Variants in NHSL3 observed in about 807,000 individuals in gnomAD.
NHSL3 encodes the protein NHS like 3, also known as NHS-like protein 3.
the NHSL3 span, chr1:32,742,334 C>G: frequency 6.4e-6 from 5 of 778,608 alleles, no homozygotes; most frequent in East Asian, 3.4e-5. Context: ...AGGGCTGAGT[C>G]CGAACACTTC....
the NHSL3 span, among the ~76,000 whole-genome samples, chr1:32,753,408 C>T: frequency 6.6e-6 from 1 of 151,626 alleles, no homozygotes; most frequent in Non-Finnish European, 1.5e-5. Flanking sequence ...TCGTTTGAAC[C>T]GGGCAGGTGG....
the NHSL3 span, among the ~76,000 whole-genome samples, chr1:32,752,227 ACT>A: frequency 6.6e-6 from 1 of 151,468 alleles, no homozygotes; most frequent in Non-Finnish European, 1.5e-5. Flanking sequence ...TCAACCTGAG[ACT>A]CTAGCAAGAG....
At chr1:32,773,721 TGGGCCC>T in the NHSL3 span, 1 of 152,630 alleles carries the variant, frequency 6.6e-6, no homozygotes, top group Non-Finnish European at 1.5e-5. Flanking sequence ...CTGGGGTGGG[TGGGCCC>T]CCAGCACTTC....
At chr1:32,758,617 T>C in the NHSL3 span, among the ~76,000 whole-genome samples, 1 of 151,922 alleles carries the variant, frequency 6.6e-6, no homozygotes, top group Non-Finnish European at 1.5e-5. Flanking sequence ...CCCAGGGATC[T>C]GAGATAAGCG....
chr1:32,770,226 C>A, the NHSL3 span: 115 of 1,604,548 alleles, frequency 7.2e-5, no homozygotes, highest in Non-Finnish European at 9.3e-5. This position sits in a 1 kb window ranked among gnomAD's most constrained non-coding sequence, Gnocchi z 8.3. Context: ...CCCAGGCCAC[C>A]TACCTGTCGA....
chr1:32,767,388 G>A, the NHSL3 span, among the ~76,000 whole-genome samples: 1 of 152,052 alleles, frequency 6.6e-6, no homozygotes, highest in Admixed American at 6.6e-5. Context: ...GTGTGTTTAC[G>A]TGCGGGCTGG....
At chr1:32,753,266 C>A in the NHSL3 span, among the ~76,000 whole-genome samples, 1 of 151,874 alleles carries the variant, frequency 6.6e-6, no homozygotes, top group Non-Finnish European at 1.5e-5. Flanking sequence ...AGGCATATCA[C>A]CTGAGGTCAG....
chr1:32,764,886 T>G, the NHSL3 span, among the ~76,000 whole-genome samples: 12 of 152,248 alleles, frequency 7.9e-5, no homozygotes, highest in Admixed American at 6.5e-4. Flanking sequence ...CCTCCTTTTT[T>G]ACTGCCTTCA....
chr1:32,763,328 G>C, the NHSL3 span, among the ~76,000 whole-genome samples: 1 of 151,976 alleles, frequency 6.6e-6, no homozygotes, highest in Non-Finnish European at 1.5e-5. Context: ...AACCCTCAAG[G>C]CTTATGGGGC....
chr1:32,743,384 C>T, the NHSL3 span, among the ~76,000 whole-genome samples: 1 of 152,022 alleles, frequency 6.6e-6, no homozygotes, highest in Non-Finnish European at 1.5e-5. Flanking sequence ...GGATAAGGGC[C>T]CTGCTTCCCT....
chr1:32,771,522 C>T, the NHSL3 span: 9 of 1,595,978 alleles, frequency 5.6e-6, no homozygotes, highest in African/African-American at 6.7e-5. Context: ...AGGAGCAGGA[C>T]CTGTCCATGG....
chr1:32,763,274 G>A, the NHSL3 span, among the ~76,000 whole-genome samples: 5 of 151,888 alleles, frequency 3.3e-5, no homozygotes, highest in African/African-American at 4.8e-5. Flanking sequence ...GTGAGCCACC[G>A]TGCACGGCCA....
chr1:32,748,197 T>G, the NHSL3 span, among the ~76,000 whole-genome samples: 1 of 152,152 alleles, frequency 6.6e-6, no homozygotes, highest in Non-Finnish European at 1.5e-5. Context: ...GAGAATCACT[T>G]GAACCCAGGA....
the NHSL3 span, among the ~76,000 whole-genome samples, chr1:32,760,763 G>T: frequency 6.6e-6 from 1 of 152,052 alleles, no homozygotes; most frequent in Non-Finnish European, 1.5e-5. Flanking sequence ...GCTAATTTTT[G>T]TATTTTTAGT....
the NHSL3 span, among the ~76,000 whole-genome samples, chr1:32,757,490 C>T: frequency 2.6e-5 from 4 of 151,836 alleles, no homozygotes; most frequent in Admixed American, 6.6e-5. Context: ...AGAGACACTT[C>T]GGAGGAAGTG....
chr1:32,752,919 A>G, the NHSL3 span, among the ~76,000 whole-genome samples: 2 of 5,804 alleles, frequency 3.4e-4, no homozygotes, highest in African/African-American at 6.0e-4. Context: ...ACACACACAC[A>G]CACACACACA....
the NHSL3 span, among the ~76,000 whole-genome samples, chr1:32,766,793 G>A: frequency 6.6e-6 from 1 of 152,194 alleles, no homozygotes. Context: ...GGGCTGCAAA[G>A]TGCTGACACA....
chr1:32,772,992 G>T, the NHSL3 span: 1 of 1,117,906 alleles, frequency 8.9e-7, no homozygotes, highest in Non-Finnish European at 1.4e-6. Flanking sequence ...ACCTAATAGA[G>T]AGGGCGCCTG....
chr1:32,742,250 T>G, the NHSL3 span: 1 of 1,231,534 alleles, frequency 8.1e-7, no homozygotes, highest in African/African-American at 1.6e-5. Context: ...CCGAGGGGGC[T>G]CTGCCGGGGG....
Sources: allele counts gnomAD v4.1 joint callset (sites outside exome capture counted in the v4.1 genomes callset), GRCh38; gene constraint gnomAD v4.1.1; non-coding constraint Gnocchi (gnomAD v3.1); transcripts MANE v1.5; gene names NCBI Gene and HGNC (gene_info 2026-07-23, HGNC 2026-07-21).